The following NCMAP variants were observed in gnomAD, a reference collection of about 807,000 sequenced individuals.
The protein encoded by NCMAP is noncompact myelin-associated protein.
NCMAP carries 8 observed loss-of-function variants against 7.8 expected under a neutral mutation model. The ratio of observed to expected loss-of-function variants is 1.02; its 90% CI spans 0.60 to 1.84. The LOEUF is 1.84. Among genes scored for constraint, NCMAP ranks in the 40% most tolerant of loss-of-function variants. NCMAP has a pLI of 0.00. For synonymous variants in NCMAP, 41 were observed against 52.9 expected, an observed-to-expected ratio of 0.78 and a Z score of 0.98; for missense variants, 112 against 131.4, an observed-to-expected ratio of 0.85 and a Z score of 0.72.
chr1:24,591,956 T>C (rs1652061042), intron 1 of NCMAP, among the ~76,000 whole-genome samples: 1 of 152,026 alleles, frequency 6.6e-6, no homozygotes, highest in Non-Finnish European at 1.5e-5. Flanking sequence ...CTGACCCTAG[T>C]GGGTGTGTTT....
intron 1 of NCMAP, among the ~76,000 whole-genome samples, chr1:24,592,460 T>C (rs1652076329): frequency 6.6e-6 from 1 of 152,164 alleles, no homozygotes; most frequent in Non-Finnish European, 1.5e-5. Flanking sequence ...ATATATACAA[T>C]GTTTATGGAT....
intron 1 of NCMAP, among the ~76,000 whole-genome samples, chr1:24,569,956 AT>A (rs910198839): frequency 1.3e-5 from 2 of 149,270 alleles, no homozygotes; most frequent in Admixed American, 1.3e-4. Context: ...CTTAAAAAAA[AT>A]TTTTTTTTGA....
chr1:24,579,059 C>A lies in NCMAP; in HGVS notation c.-7-16365C>A, dbSNP rs899769425. On this transcript the variant is annotated intron_variant, in intron 1 of 3. Transcript: ENST00000374392. ...TGCCCGGCAGCGCGGACCTCGGCAT[C>A]TTCTTGCTCCTTCCTACTGGAGGCT... 4.6e-5 allele frequency among the ~76,000 whole-genome samples: 7 copies of A among 152,174 alleles called. No individual in the cohort carries two copies. In the South Asian group the frequency reaches 1.2e-3, roughly 27 times the overall value.
At chr1:24,577,296 C>G (rs1429851444) in intron 1 of NCMAP, among the ~76,000 whole-genome samples, 1 of 151,068 alleles carries the variant, frequency 6.6e-6, no homozygotes, top group African/African-American at 2.4e-5. Flanking sequence ...TAGCCAAGCC[C>G]TTGGATAAGG....
At chr1:24,593,286 A>G (rs974630643) in intron 1 of NCMAP, among the ~76,000 whole-genome samples, 1 of 151,886 alleles carries the variant, frequency 6.6e-6, no homozygotes, top group Admixed American at 6.6e-5. Context: ...GGAGTTTGAG[A>G]CCAGTCTGGG....
rs56702443 is a variant in NCMAP, at chr1:24,606,517, T to C, written c.*770T>C. 8,266 of 152,756 alleles carry C rather than the reference T, an allele frequency of 0.054. 766 individuals are homozygous for C. The highest frequency in any genetic ancestry group is 0.19 in the African/African-American group (7,827 of 41,446). 9.5% of individuals were successfully genotyped at this position (152,756 alleles called of 1,614,324 possible). On this transcript the variant is annotated 3_prime_UTR_variant, in exon 4 of 4. Coordinates refer to ENST00000374392, the MANE Select transcript of NCMAP (RefSeq NM_001010980.5). ...TGTATCAACCCTGACGGTCTTGGTC[T>C]TTGGCTCCCCTTTATCTGGATTCTG...
At chr1:24,562,327 C>T (rs1651078568) in intron 1 of NCMAP, among the ~76,000 whole-genome samples, 3 of 152,172 alleles carry the variant, frequency 2.0e-5, no homozygotes, top group African/African-American at 7.2e-5. Flanking sequence ...CTCAGGAACC[C>T]TATAAATGAG....
intron 2 of NCMAP, among the ~76,000 whole-genome samples, chr1:24,595,753 G>T (rs1034915198): frequency 6.6e-6 from 1 of 151,790 alleles, no homozygotes; most frequent in African/African-American, 2.4e-5. Context: ...CTGTCTGAGT[G>T]GGAGTCTTCC....
rs1181674883 is a variant in NCMAP, at chr1:24,607,525, G to GACAA, written c.*1781_*1782insAACA. ...TCTGTTAAAGAAAGTGACACACTTT[G>GACAA]ACATTTAACCTCAAATTTTAGGAGT... On this transcript the variant is annotated 3_prime_UTR_variant, in exon 4 of 4. Transcript: ENST00000374392. The GACAA allele has an allele frequency of 6.6e-6, 1 of 152,136 alleles. No individual in the cohort carries two copies. Among genetic ancestry groups the GACAA allele is most frequent in the Non-Finnish European group, 1.5e-5 (1 of 68,024 alleles). The allele number at this position is 152,136 out of a possible 1,614,324, so 9.4% of individuals were successfully genotyped here.
chr1:24,571,130 A>T (rs1651377522), intron 1 of NCMAP, among the ~76,000 whole-genome samples: 2 of 150,826 alleles, frequency 1.3e-5, no homozygotes, highest in Admixed American at 6.6e-5. Flanking sequence ...GTGTTGTCCA[A>T]TATAATGTGA....
intron 1 of NCMAP, among the ~76,000 whole-genome samples, chr1:24,581,006 T>C (rs964258467): frequency 2.0e-5 from 3 of 152,034 alleles, no homozygotes; most frequent in African/African-American, 4.8e-5. Context: ...GCCTTGAGAG[T>C]TGACGCCTCT....
intron 1 of NCMAP, among the ~76,000 whole-genome samples, chr1:24,564,374 G>A (rs547868644): frequency 1.4e-4 from 21 of 152,034 alleles, no homozygotes; most frequent in African/African-American, 2.4e-4. Context: ...GCTCGGTGTG[G>A]TGGTGGGCGC....
chr1:24,588,930 A>G (rs1385088675), intron 1 of NCMAP, among the ~76,000 whole-genome samples: 6 of 152,102 alleles, frequency 3.9e-5, no homozygotes, highest in Non-Finnish European at 8.8e-5. Flanking sequence ...ATGCTGGGCC[A>G]CCTGTGCTTT....
At chr1:24,603,338 T>A (rs555895562) in intron 3 of NCMAP, among the ~76,000 whole-genome samples, 1 of 149,072 alleles carries the variant, frequency 6.7e-6, no homozygotes, top group Non-Finnish European at 1.5e-5. Flanking sequence ...CACAATTACA[T>A]GTAATAATAA....
chr1:24,573,179 C>T (rs1419116842), intron 1 of NCMAP, among the ~76,000 whole-genome samples: 4 of 150,862 alleles, frequency 2.7e-5, no homozygotes, highest in Non-Finnish European at 5.9e-5. Context: ...CCCCATCAGC[C>T]TTCAGGGACA....
At chr1:24,562,909 C>T (rs1019077190) in intron 1 of NCMAP, among the ~76,000 whole-genome samples, 3 of 152,208 alleles carry the variant, frequency 2.0e-5, no homozygotes, top group Non-Finnish European at 2.9e-5. Context: ...TGCCCTGGGG[C>T]TCATCCCTTC....
intron 1 of NCMAP, among the ~76,000 whole-genome samples, chr1:24,562,690 T>C (rs1651086656): frequency 2.6e-5 from 4 of 152,192 alleles, no homozygotes; most frequent in Admixed American, 2.6e-4. Context: ...TATTGGCAGC[T>C]ACAGCCATGC....
intron 1 of NCMAP, among the ~76,000 whole-genome samples, chr1:24,569,380 C>T (rs1003636215): frequency 2.0e-5 from 3 of 150,652 alleles, no homozygotes; most frequent in Non-Finnish European, 4.4e-5. Flanking sequence ...CTCCCACCCA[C>T]TCACCACATC....
chr1:24,562,851 A>G (rs1277751696), intron 1 of NCMAP, among the ~76,000 whole-genome samples: 1 of 152,188 alleles, frequency 6.6e-6, no homozygotes, highest in East Asian at 1.9e-4. Flanking sequence ...CTGGGAACTT[A>G]AAGGTGAACT....
Sources: gnomAD v4.1 joint callset for allele counts (sites outside exome capture counted in the v4.1 genomes callset) on GRCh38, gnomAD v4.1.1 for gene constraint, MANE v1.5 for transcripts, NCBI Gene and HGNC (gene_info 2026-07-23, HGNC 2026-07-21) for gene names.